The following DLAT variants were observed in gnomAD, a reference collection of about 807,000 sequenced individuals.
DLAT encodes dihydrolipoamide S-acetyltransferase.
In DLAT, 43 loss-of-function variants were observed where a neutral mutation model predicts 68.0. The ratio of observed to expected loss-of-function variants is 0.63; its 90% CI spans 0.50 to 0.81. DLAT has a LOEUF of 0.81. Among genes scored for constraint, DLAT ranks in the 40% least tolerant of loss-of-function variants. DLAT has a pLI of 0.00. For missense variants in DLAT, 745 were observed against 815.4 expected, an observed-to-expected ratio of 0.91 and a Z score of 1.05; for synonymous variants, 265 against 288.6, an observed-to-expected ratio of 0.92 and a Z score of 0.83.
chr11:112,026,964 C>T (rs1296396843), intron 2 of DLAT, among the ~76,000 whole-genome samples: 9 of 150,596 alleles, frequency 6.0e-5, no homozygotes, highest in African/African-American at 1.9e-4. Flanking sequence ...ACTTCCCTCC[C>T]GGACGGGGCG....
chr11:112,028,251 T>G (rs1862189278), intron 2 of DLAT, among the ~76,000 whole-genome samples: 1 of 151,966 alleles, frequency 6.6e-6, no homozygotes, highest in Admixed American at 6.6e-5. Context: ...AAACCCCGTC[T>G]CTGCTAAAAA....
rs1555181429 is a variant in DLAT at position 112,045,901 on chromosome 11, A to G, written c.1329A>G (p.Ile443Met). 6.2e-7 allele frequency: 1 copy of G among 1,612,234 alleles called. No homozygotes were observed. The highest frequency in any genetic ancestry group is 2.2e-5 in the East Asian group (1 of 44,830). The change falls in exon 10 of 14, where the codon ATA (isoleucine) becomes ATG (methionine). Residue 443 changes from isoleucine to methionine, a missense_variant. Coordinates refer to ENST00000280346, the MANE Select transcript of DLAT (RefSeq NM_001931.5). ...GATTAATGCAATCAAAGCAAACCATACCTCATTATTACCTTTCTATCGATG... is the reference window on the plus strand; with the variant it reads ...GATTAATGCAATCAAAGCAAACCATGCCTCATTATTACCTTTCTATCGATG... ...AQRLMQSKQT[I>M]PHYYLSIDVN...
Position 112,025,675 on chromosome 11 carries a change from C to A in DLAT, c.203C>A (p.Thr68Lys), listed in dbSNP as rs587649380. 1 of 1,613,066 alleles carries A rather than the reference C, an allele frequency of 6.2e-7. No individual in the cohort carries two copies. The highest frequency in any genetic ancestry group is 1.7e-5 in the Admixed American group (1 of 60,018). The change falls in exon 1 of 14, where the codon ACG becomes AAG. Residue 68 changes from threonine to lysine, a missense_variant. Coordinates refer to ENST00000280346, the MANE Select transcript of DLAT (RefSeq NM_001931.5). The part of the protein sequence containing the change: ...LCGWTPSSGA[T>K]PRNRLLLQLL... ...GGCTGGACCCCCAGTTCTGGGGCCA[C>A]GCCGCGGAACCGCTTACTGCTGCAG...
At position 112,061,035 on chromosome 11, in the gene DLAT, T is replaced by C; in HGVS notation, c.1678-3T>C. On this transcript the variant is annotated splice_region_variant and splice_polypyrimidine_tract_variant and intron_variant, in intron 12 of 13. Transcript: ENST00000280346. ...AATTTATTTTTAATTTTTTTTCCTC[T>C]AGGGTGGCACTTTTACGATCTCCAA... 2 of 1,583,468 alleles carry C rather than the reference T, an allele frequency of 1.3e-6. No homozygotes were observed.
At chr11:112,050,566 A>T (rs1013596858) in intron 10 of DLAT, among the ~76,000 whole-genome samples, 5 of 152,138 alleles carry the variant, frequency 3.3e-5, no homozygotes, top group African/African-American at 9.7e-5. Flanking sequence ...TTATAGGTCT[A>T]TTCAGAGTTT....
chr11:112,028,941 T>A lies in DLAT; in HGVS notation c.656T>A (p.Met219Lys), dbSNP rs1409828150. ...QAPGSSYPPH[M>K]QVLLPALSPT... ...CCTGGTAGCTCATATCCCCCTCACA[T>A]GCAGGTGAGGCTCAGCCTCTGAGTT... The change falls in exon 4 of 14, where the codon ATG (methionine) becomes AAG (lysine). Residue 219 changes from methionine (M) to lysine (K), a missense_variant. By Grantham distance (95) the Met-to-Lys change is moderately conservative. Coordinates refer to ENST00000280346, the MANE Select transcript of DLAT (RefSeq NM_001931.5). 1.9e-6 allele frequency: 3 copies of A among 1,614,000 alleles called. No individual in the cohort carries two copies. Among genetic ancestry groups the A allele is most frequent in the Admixed American group, 1.7e-5 (1 of 59,990 alleles).
At position 112,045,063 on chromosome 11, in the gene DLAT, C is replaced by A. The variant is rs1448562950; in HGVS notation, c.1198-75C>A. ...AGACAAAAAAAAAAAACTGCATAGT[C>A]ACTGGCAGTCTTTCCCAGGTACTTA... On this transcript the variant is annotated intron_variant, in intron 8 of 13. Transcript: ENST00000280346. 6.3e-6 allele frequency: 7 copies of A among 1,104,042 alleles called. No individual in the cohort carries two copies. In the African/African-American group the frequency reaches 9.3e-5, roughly 15 times the overall value. 68.4% of individuals were successfully genotyped at this position (1,104,042 alleles called of 1,614,324 possible).
At chr11:112,036,212 T>TTTTTG (rs1862763060) in intron 5 of DLAT, among the ~76,000 whole-genome samples, 1 of 93,604 alleles carries the variant, frequency 1.1e-5, no homozygotes, top group African/African-American at 4.4e-5. Flanking sequence ...TTTTTTTTTT[T>TTTTTG]TTTTTTTTTT....
intron 13 of DLAT, among the ~76,000 whole-genome samples, chr11:112,061,944 T>C (rs1216110928): frequency 6.6e-6 from 1 of 152,128 alleles, no homozygotes; most frequent in Non-Finnish European, 1.5e-5. Context: ...TAAAATTATA[T>C]ATATATAAAA....
chr11:112,025,465 G>C lies in DLAT; in HGVS notation c.-8G>C. 1 of 1,610,908 alleles carries C rather than the reference G, an allele frequency of 6.2e-7. No homozygotes were observed. Among genetic ancestry groups the C allele is most frequent in the Non-Finnish European group, 8.5e-7 (1 of 1,179,360 alleles). On this transcript the variant is annotated 5_prime_UTR_variant, in exon 1 of 14. Transcript: ENST00000280346. Reference sequence around the variant, plus strand: ...GTTGGTTTTGGGGTGTGGGGGGTTGGTGGCACTATGTGGCGCGTCTGTGCG... The same window carrying C: ...GTTGGTTTTGGGGTGTGGGGGGTTGCTGGCACTATGTGGCGCGTCTGTGCG...
intron 10 of DLAT, among the ~76,000 whole-genome samples, chr11:112,046,316 A>G (rs1863314119): frequency 6.6e-6 from 1 of 152,174 alleles, no homozygotes; most frequent in Admixed American, 6.5e-5. Flanking sequence ...ATAGGAATCC[A>G]ACCATTGTTT....
At chr11:112,056,420 A>G (rs1013757710) in intron 11 of DLAT, among the ~76,000 whole-genome samples, 2 of 152,210 alleles carry the variant, frequency 1.3e-5, no homozygotes, top group Non-Finnish European at 2.9e-5. Flanking sequence ...TAGACCTTTT[A>G]TAGAAATGGA....
At chr11:112,059,802 T>C in intron 11 of DLAT, 101 bp from the exon 12 acceptor site, 1 of 1,062,442 alleles carries the variant, frequency 9.4e-7, no homozygotes, top group East Asian at 2.6e-5. Context: ...CACACATTGG[T>C]TCAAAAAATT....
chr11:112,025,499 T>C lies in DLAT; in HGVS notation c.27T>C (p.Ala9=), dbSNP rs2137673895. The C allele has an allele frequency of 6.2e-7, 1 of 1,613,752 alleles. No homozygotes were observed. Among genetic ancestry groups the C allele is most frequent in the Non-Finnish European group, 8.5e-7 (1 of 1,179,958 alleles). Residue 9 remains alanine (A), a synonymous_variant, in exon 1 of 14, where the codon GCT becomes GCC. Transcript: ENST00000280346. MWRVCARR[A]QNVAPWAGLE... ...TGTGGCGCGTCTGTGCGCGACGGGC[T>C]CAGAATGTAGCCCCATGGGCGGGAC...
intron 9 of DLAT, 60 bp downstream of exon 9, chr11:112,045,290 G>T: frequency 7.5e-7 from 1 of 1,333,036 alleles, no homozygotes; most frequent in Non-Finnish European, 1.1e-6. Flanking sequence ...TTGTTTAGTT[G>T]CTTCCATAGT....
intron 11 of DLAT, among the ~76,000 whole-genome samples, chr11:112,053,049 G>A (rs1162360077): frequency 2.6e-5 from 4 of 152,044 alleles, no homozygotes; most frequent in Admixed American, 2.6e-4. Flanking sequence ...ATATTTTAGG[G>A]CCGGGCTCAC....
intron 1 of DLAT, 56 bp from the exon 2 acceptor site, chr11:112,026,142 G>T: frequency 7.7e-7 from 1 of 1,297,796 alleles, no homozygotes; most frequent in South Asian, 1.2e-5. Flanking sequence ...TCTTAAGCCA[G>T]ACTGAGAGTT....
intron 11 of DLAT, among the ~76,000 whole-genome samples, chr11:112,053,577 T>C (rs1555182192): frequency 6.6e-6 from 1 of 151,970 alleles, no homozygotes; most frequent in Admixed American, 6.6e-5. Flanking sequence ...CTCAGCCTCC[T>C]GAGTAGCTGG....
chr11:112,058,970 C>T (rs1288985106), intron 11 of DLAT, among the ~76,000 whole-genome samples: 1 of 151,326 alleles, frequency 6.6e-6, no homozygotes, highest in Non-Finnish European at 1.5e-5. Flanking sequence ...AAAAGGTATT[C>T]TGAGATAAGA....
Sources: gnomAD v4.1 joint callset for allele counts (sites outside exome capture counted in the v4.1 genomes callset) on GRCh38, gnomAD v4.1.1 for gene constraint, MANE v1.5 for transcripts, NCBI Gene and HGNC (gene_info 2026-07-23, HGNC 2026-07-21) for gene names.